The following LAIR1 variants were observed in gnomAD, a reference collection of about 807,000 sequenced individuals.
LAIR1 encodes leukocyte associated immunoglobulin like receptor 1.
Under a neutral mutation model 32.8 loss-of-function variants are expected in LAIR1, and 24 were observed. The observed-to-expected ratio is 0.73, with a 90% CI of 0.53 to 1.03. LAIR1 has a LOEUF of 1.03. Ranked by LOEUF, LAIR1 falls within the 50% of genes least tolerant of loss-of-function variation. The probability of loss-of-function intolerance (pLI) is 0.00; values close to 1 mark genes in which losing one functional copy is unlikely to be tolerated. For missense variants in LAIR1, 355 were observed against 347.5 expected (o/e 1.02, Z -0.17); for synonymous variants, 150 against 140.5 (o/e 1.07, Z -0.48).
chr19:54,355,246 C>G lies in LAIR1; in HGVS notation c.*22G>C. On this transcript the variant is annotated 3_prime_UTR_variant, in exon 10 of 10. Transcript: ENST00000391742. The surrounding 1 kb of genome is among the most constrained non-coding windows in gnomAD (Gnocchi z 4.7). ...TAGAGTGACTTTCTACCCTCAGGTG[C>G]AGAGGCCAGGTGGGTATGGGGTCAG... 5 of 1,559,306 alleles carry G rather than the reference C, an allele frequency of 3.2e-6. No individual in the cohort carries two copies. The highest frequency in any genetic ancestry group is 4.3e-6 in the Non-Finnish European group (5 of 1,150,930).
rs114655022 is a variant in LAIR1, at chr19:54,356,963, G to A, written c.419C>T (p.Pro140Leu). The change falls in exon 5 of 10, where the codon CCC becomes CTC. Residue 140 changes from proline (P) to leucine (L), a missense_variant. Coordinates refer to ENST00000391742, the MANE Select transcript of LAIR1 (RefSeq NM_002287.6). ...PDTEPGSSAG[P>L]TQRPSDNSHN... ...ACTGTTGTCCGACGGCCTCTGCGTG[G>A]GTCCTGGGAGGGAGGAATCAGAAGG... The A allele has an allele frequency of 1.3e-3, 2,098 of 1,613,806 alleles. 23 individuals carry two copies. In the African/African-American group the frequency reaches 0.024, roughly 18 times the overall value.
chr19:54,375,002 G>T (rs1411352426), upstream of LAIR1, among the ~76,000 whole-genome samples: 3 of 152,074 alleles, frequency 2.0e-5, no homozygotes, highest in East Asian at 3.9e-4. Flanking sequence ...ACCCTCCTGT[G>T]TCCAGGTCCT....
chr19:54,356,108 G>A, intron 8 of LAIR1, 102 bp from the exon 9 acceptor site: 1 of 1,316,438 alleles, frequency 7.6e-7, no homozygotes, highest in Non-Finnish European at 1.1e-6. Flanking sequence ...TGCACCCAAT[G>A]TATAATACGA....
intron 4 of LAIR1, among the ~76,000 whole-genome samples, chr19:54,359,390 G>A (rs2081895528): frequency 6.6e-6 from 1 of 151,798 alleles, no homozygotes; most frequent in South Asian, 2.1e-4. Flanking sequence ...TGGAAGGGAA[G>A]CCTCATGGCT....
upstream of LAIR1, among the ~76,000 whole-genome samples, chr19:54,366,733 C>A (rs144952949): frequency 0.019 from 2,951 of 152,220 alleles, 56 homozygotes; most frequent in African/African-American, 0.048. Flanking sequence ...CGTGATCCAC[C>A]CGCCTCGGCC....
chr19:54,372,467 C>A (rs1796151582), upstream of LAIR1, among the ~76,000 whole-genome samples: 1 of 150,002 alleles, frequency 6.7e-6, no homozygotes, highest in South Asian at 2.1e-4. Context: ...GCCACTTCCC[C>A]TATAAACTTG....
chr19:54,352,180 T>A lies in LAIR1; in HGVS notation c.*3088A>T, dbSNP rs2081544535. On this transcript the variant is annotated 3_prime_UTR_variant, in exon 10 of 10. Coordinates refer to ENST00000391742, the MANE Select transcript of LAIR1 (RefSeq NM_002287.6). The stretch of plus-strand genomic sequence containing the variant: ...AGGGACATCTGTGAATATCTGCTGC[T>A]GCCCCATCTGGCCCCGGTGAGGCTG... 1 of 153,472 alleles carries A rather than the reference T, an allele frequency of 6.5e-6. No homozygotes were observed. The highest frequency in any genetic ancestry group is 1.9e-4 in the East Asian group (1 of 5,192). 9.5% of individuals were successfully genotyped at this position (153,472 alleles called of 1,614,324 possible).
Position 54,360,929 on chromosome 19 carries a change from C to T in LAIR1, c.351G>A (p.Glu117=), listed in dbSNP as rs764689362. 1 of 1,612,818 alleles carries T rather than the reference C, an allele frequency of 6.2e-7. No individual in the cohort carries two copies. The highest frequency in any genetic ancestry group is 8.5e-7 in the Non-Finnish European group (1 of 1,179,032). Reference sequence around the variant, plus strand: ...TGACGTCCTCACCTTTCACCAGCAGCTCCAGGTAGTCACTCTGCTCAGACC... The same window carrying T: ...TGACGTCCTCACCTTTCACCAGCAGTTCCAGGTAGTCACTCTGCTCAGACC... The part of the protein sequence containing the change: ...PKWSEQSDYL[E]LLVKESSGGP... Residue 117 remains glutamate (E), a synonymous_variant, in exon 3 of 10, where the codon GAG becomes GAA. Coordinates refer to ENST00000391742, the MANE Select transcript of LAIR1 (RefSeq NM_002287.6).
rs2082200800 is a variant in LAIR1 at position 54,364,898 on chromosome 19, G to T, written c.-94C>A. 44 of 1,608,878 alleles carry T rather than the reference G, an allele frequency of 2.7e-5. No individual in the cohort carries two copies. The highest frequency in any genetic ancestry group is 3.4e-5 in the Non-Finnish European group (40 of 1,177,596). On this transcript the variant is annotated 5_prime_UTR_variant, in exon 1 of 10. Transcript: ENST00000391742. This position sits in a 1 kb window ranked among gnomAD's most constrained non-coding sequence, Gnocchi z 4.8. ...ACAAGCAGACAGGATGTGCTGCCCG[G>T]GGGCCTCCTGCCTATGGGGCTTCCA...
intron 4 of LAIR1, among the ~76,000 whole-genome samples, chr19:54,357,814 G>A (rs1177385846): frequency 6.6e-6 from 1 of 151,736 alleles, no homozygotes; most frequent in African/African-American, 2.4e-5. Flanking sequence ...ATTCTCTCTT[G>A]GAATGTCCTT....
upstream of LAIR1, among the ~76,000 whole-genome samples, chr19:54,368,875 C>T (rs192776820): frequency 1.1e-3 from 163 of 151,372 alleles, no homozygotes; most frequent in Middle Eastern, 3.4e-3. Context: ...TTAGTAGAGA[C>T]GGGGTTTCTC....
At chr19:54,368,966 C>T (rs1035745198), upstream of LAIR1, among the ~76,000 whole-genome samples, 4 of 151,170 alleles carry the variant, frequency 2.6e-5, no homozygotes, top group African/African-American at 7.4e-5. Flanking sequence ...AGATTACAGG[C>T]GTGAGCCACT....
upstream of LAIR1, among the ~76,000 whole-genome samples, chr19:54,372,201 C>T (rs535678018): frequency 8.0e-4 from 121 of 151,706 alleles, 6 homozygotes; most frequent in Middle Eastern, 3.4e-3. Context: ...AAGAAATTGC[C>T]GCACTGTCTC....
chr19:54,368,616 A>G (rs1486893521), upstream of LAIR1: 2 of 152,220 alleles, frequency 1.3e-5, no homozygotes, highest in African/African-American at 4.8e-5. Flanking sequence ...TTCACTGCTC[A>G]GAAGATTCCT....
At chr19:54,361,257 C>G (rs752650678) in intron 2 of LAIR1, 48 bp from the exon 3 acceptor site, 13 of 1,579,670 alleles carry the variant, frequency 8.2e-6, no homozygotes, top group Admixed American at 3.4e-5. Context: ...TAGGAAGTCA[C>G]CATGCCACAC....
Position 54,356,971 on chromosome 19 carries a change from G to T in LAIR1, c.416-5C>A. ...CCGACGGCCTCTGCGTGGGTCCTGG[G>T]AGGGAGGAATCAGAAGGAGGAGGAG... On this transcript the variant is annotated splice_region_variant and splice_polypyrimidine_tract_variant and intron_variant, in intron 4 of 9. Coordinates refer to ENST00000391742, the MANE Select transcript of LAIR1 (RefSeq NM_002287.6). The T allele has an allele frequency of 6.2e-7, 1 of 1,613,728 alleles. No individual in the cohort carries two copies.
chr19:54,373,445 A>G (rs1188944652), upstream of LAIR1, among the ~76,000 whole-genome samples: 6 of 152,030 alleles, frequency 3.9e-5, no homozygotes, highest in East Asian at 3.9e-4. Context: ...CTCCGTCTCA[A>G]AAATAAATAA....
rs375555385 is a variant in LAIR1, at chr19:54,361,864, T to C, written c.71-655A>G. 2.0e-5 allele frequency among the ~76,000 whole-genome samples: 3 copies of C among 152,186 alleles called. No individual in the cohort carries two copies. In the South Asian group the frequency reaches 6.2e-4, roughly 31 times the overall value. On this transcript the variant is annotated intron_variant, in intron 2 of 9. Transcript: ENST00000391742. ...CTTCTCAGCCTAATTTGCATTTCCT[T>C]CTTATTAAGGCTCTTGAAAAACCCC...
In LAIR1 at chr19:54,356,912, G is replaced by A. The variant is rs750197955; in HGVS notation, c.454+16C>T. On this transcript the variant is annotated intron_variant, in intron 5 of 9. Transcript: ENST00000391742. ...GGCACACACCAGCTTCATGCTCCAC[G>A]GCCCCCATCACTCACGCTCATTGTG... 1.3e-5 allele frequency: 21 copies of A among 1,613,486 alleles called. No homozygotes were observed. Among genetic ancestry groups the A allele is most frequent in the Non-Finnish European group, 1.7e-5 (20 of 1,179,804 alleles).
Sources: gnomAD v4.1 joint callset for allele counts (sites outside exome capture counted in the v4.1 genomes callset) on GRCh38, gnomAD v4.1.1 for gene constraint, Gnocchi (gnomAD v3.1) non-coding constraint, MANE v1.5 for transcripts, NCBI Gene and HGNC (gene_info 2026-07-23, HGNC 2026-07-21) for gene names.